The following ANO10 variants were observed in gnomAD, a reference collection of about 807,000 sequenced individuals.
ANO10 encodes anoctamin 10, also known as anoctamin-10.
Under a neutral mutation model 74.7 loss-of-function variants are expected in ANO10, and 77 were observed. That is an observed-to-expected ratio of 1.03 (90% CI 0.86 to 1.25). The LOEUF (loss-of-function observed/expected upper bound fraction) is 1.25, where lower values mean the gene tolerates loss of function less well. Ranked by LOEUF, ANO10 falls within the 50% of genes most tolerant of loss-of-function variation. The pLI is 0.00. For missense variants in ANO10, 721 were observed against 778.1 expected (o/e 0.93, Z 0.87); for synonymous variants, 279 against 284.9 (o/e 0.98, Z 0.21).
intron 11 of ANO10, among the ~76,000 whole-genome samples, chr3:43,516,432 C>T (rs1036727883): frequency 6.6e-6 from 1 of 152,058 alleles, no homozygotes; most frequent in East Asian, 1.9e-4. Flanking sequence ...ATGTTGAAAG[C>T]GTAGGGCGAA....
At chr3:43,441,041 C>T (rs998197103) in intron 11 of ANO10, among the ~76,000 whole-genome samples, 5 of 151,500 alleles carry the variant, frequency 3.3e-5, no homozygotes, top group Admixed American at 1.3e-4. Flanking sequence ...GACATAGCAA[C>T]GACAGTACTA....
chr3:43,593,632 C>T (rs2081925071), intron 4 of ANO10, among the ~76,000 whole-genome samples: 1 of 152,020 alleles, frequency 6.6e-6, no homozygotes, highest in South Asian at 2.1e-4. Flanking sequence ...ATTGGAACAA[C>T]CGGTACCAGC....
intron 1 of ANO10, among the ~76,000 whole-genome samples, chr3:43,614,206 T>C (rs940832257): frequency 6.6e-6 from 1 of 152,240 alleles, no homozygotes; most frequent in Non-Finnish European, 1.5e-5. Context: ...ACCTTATTCA[T>C]AATAACCAGA....
intron 11 of ANO10, among the ~76,000 whole-genome samples, chr3:43,480,216 G>A (rs570707722): frequency 6.6e-6 from 1 of 152,216 alleles, no homozygotes; most frequent in East Asian, 1.9e-4. Context: ...AAAATAGGGG[G>A]AAAACATACA....
intron 1 of ANO10, among the ~76,000 whole-genome samples, chr3:43,670,078 C>G (rs1445202647): frequency 1.3e-5 from 2 of 152,018 alleles, no homozygotes; most frequent in Non-Finnish European, 2.9e-5. Flanking sequence ...ATTGGCCAGG[C>G]ATGGTGGCTC....
At chr3:43,432,944 C>CTTTTATTTTTTTTTTTTTTTT (rs2093008610) in intron 11 of ANO10, among the ~76,000 whole-genome samples, 1 of 55,276 alleles carries the variant, frequency 1.8e-5, no homozygotes, top group Non-Finnish European at 3.3e-5. Flanking sequence ...TTGCTTAATT[C>CTTTTATTTTTTTTTTTTTTTT]TTTTTTTTTT....
At chr3:43,530,874 A>ATGTG (rs140115664) in intron 11 of ANO10, among the ~76,000 whole-genome samples, 1 of 150,830 alleles carries the variant, frequency 6.6e-6, no homozygotes, top group Non-Finnish European at 1.5e-5. Context: ...GCTGGGACTA[A>ATGTG]TGTGTGTGTG....
intron 11 of ANO10, among the ~76,000 whole-genome samples, chr3:43,455,816 G>A (rs1316480781): frequency 6.6e-6 from 1 of 151,310 alleles, no homozygotes; most frequent in Non-Finnish European, 1.5e-5. Context: ...AACAGATTCT[G>A]ACACAAAGAT....
chr3:43,558,580 T>C (rs1407397094), intron 9 of ANO10, among the ~76,000 whole-genome samples: 1 of 152,212 alleles, frequency 6.6e-6, no homozygotes, highest in Non-Finnish European at 1.5e-5. Flanking sequence ...ACTTTTATAG[T>C]AATGTTTTTA....
At chr3:43,525,950 GGATTT>G (rs1322866366) in intron 11 of ANO10, among the ~76,000 whole-genome samples, 1 of 152,002 alleles carries the variant, frequency 6.6e-6, no homozygotes, top group African/African-American at 2.4e-5. Context: ...GCTCCACTTT[GGATTT>G]ATTTAGTTGT....
chr3:43,388,171 A>C (rs1490040137), intron 12 of ANO10, among the ~76,000 whole-genome samples: 1 of 152,162 alleles, frequency 6.6e-6, no homozygotes, highest in African/African-American at 2.4e-5. Flanking sequence ...GGCATTTGTG[A>C]CTAACAACCC....
At chr3:43,424,911 C>T (rs2092875706) in intron 12 of ANO10, 1 of 152,182 alleles carries the variant, frequency 6.6e-6, no homozygotes, top group Non-Finnish European at 1.5e-5. Flanking sequence ...AAGGGAGAGG[C>T]AGGCTCAGAC....
chr3:43,688,143 GTCTCTT>G (rs1191200505), intron 1 of ANO10, among the ~76,000 whole-genome samples: 4 of 152,020 alleles, frequency 2.6e-5, no homozygotes, highest in Admixed American at 1.3e-4. Context: ...TGGATCAATG[GTCTCTT>G]TCTCTCTTTT....
chr3:43,618,841 G>A (rs939998581), intron 1 of ANO10, among the ~76,000 whole-genome samples: 6 of 151,178 alleles, frequency 4.0e-5, no homozygotes, highest in Non-Finnish European at 8.8e-5. Context: ...TCGCTCTGTC[G>A]CCCAGGCTGG....
At chr3:43,618,512 C>A (rs1439547400) in intron 1 of ANO10, among the ~76,000 whole-genome samples, 1 of 152,174 alleles carries the variant, frequency 6.6e-6, no homozygotes, top group Non-Finnish European at 1.5e-5. Context: ...GCTCTAGAGG[C>A]TGTGAGGTGG....
At chr3:43,600,321 T>G in intron 3 of ANO10, 63 bp downstream of exon 3, 1 of 1,578,340 alleles carries the variant, frequency 6.3e-7, no homozygotes, top group Non-Finnish European at 8.7e-7. Context: ...ATCCCTGATC[T>G]ATTCATCATA....
chr3:43,565,534 C>T, intron 8 of ANO10, 119 bp downstream of exon 8: 2 of 893,900 alleles, frequency 2.2e-6, no homozygotes, highest in Non-Finnish European at 3.4e-6. Context: ...GGCTTAAAAA[C>T]ATACAAAATT....
rs139224877 is a variant in ANO10, at chr3:43,460,319, A to G, written c.1798-27592T>C. On this transcript the variant is annotated intron_variant, in intron 11 of 12. Transcript: ENST00000292246. ...GGTAGGAAGAGTGATATGGAAGTTC[A>G]TCTCTCCCTATAATCCTATGTGCAA... Among the ~76,000 whole-genome samples the G allele has an allele frequency of 6.6e-5, 10 of 152,314 alleles. 1 individual carries two copies. The East Asian group carries it at 1.9e-3, about 29-fold the overall frequency.
chr3:43,487,693 C>CT, intron 11 of ANO10, among the ~76,000 whole-genome samples: 1 of 152,104 alleles, frequency 6.6e-6, no homozygotes, highest in Non-Finnish European at 1.5e-5. Context: ...ATTCTTCTCT[C>CT]TTTTTTTCTT....
Sources: allele counts gnomAD v4.1 joint callset (sites outside exome capture counted in the v4.1 genomes callset), GRCh38; gene constraint gnomAD v4.1.1; transcripts MANE v1.5; gene names NCBI Gene and HGNC (gene_info 2026-07-23, HGNC 2026-07-21).